COPG2: variants seen among roughly 807,000 people sequenced by gnomAD.
COPG2 encodes coat protein complex I subunit gamma 2, also known as coatomer subunit gamma-2.
In COPG2, 37 loss-of-function variants were observed where a neutral mutation model predicts 46.3. That is an observed-to-expected ratio of 0.80 (90% CI 0.61 to 1.05). The LOEUF (loss-of-function observed/expected upper bound fraction) is 1.05. Among genes scored for constraint, COPG2 ranks in the 50% least tolerant of loss-of-function variants. The probability of loss-of-function intolerance (pLI) is 0.00; values close to 1 mark genes in which losing one functional copy is unlikely to be tolerated. For synonymous variants in COPG2, 159 were observed against 129.7 expected (o/e 1.23, Z -1.53); for missense variants, 427 against 387.8 (o/e 1.10, Z -0.85).
chr7:130,521,243 T>C (rs1584962201), intron 20 of COPG2, among the ~76,000 whole-genome samples: 1 of 152,118 alleles, frequency 6.6e-6, no homozygotes, highest in Non-Finnish European at 1.5e-5. Flanking sequence ...AAATTGGACA[T>C]AAGAGAGACA....
At chr7:130,552,030 AC>A (rs1793540314) in intron 15 of COPG2, among the ~76,000 whole-genome samples, 3 of 152,156 alleles carry the variant, frequency 2.0e-5, no homozygotes, top group African/African-American at 7.2e-5. Context: ...AGCAAATAAA[AC>A]CCTATGGAGA....
At chr7:130,651,492 GTATTTT>G (rs1463621933) in intron 5 of COPG2, among the ~76,000 whole-genome samples, 374 of 30,658 alleles carry the variant, frequency 0.012, 3 homozygotes, top group African/African-American at 0.035. Context: ...TAATTTTTTT[GTATTTT>G]TTTTTTTTTT....
At chr7:130,646,972 T>C (rs1261275091) in intron 5 of COPG2, among the ~76,000 whole-genome samples, 7 of 27,484 alleles carry the variant, frequency 2.5e-4, no homozygotes, top group Admixed American at 1.5e-3. Flanking sequence ...TATATATGTG[T>C]ATATATATAT....
intron 9 of COPG2, among the ~76,000 whole-genome samples, chr7:130,599,490 T>C (rs1400527787): frequency 1.3e-5 from 2 of 152,170 alleles, no homozygotes; most frequent in Non-Finnish European, 2.9e-5. Flanking sequence ...CTAGAGATTT[T>C]CATAAATATT....
chr7:130,606,244 G>GAA (rs1406032495), intron 9 of COPG2, among the ~76,000 whole-genome samples: 1 of 149,116 alleles, frequency 6.7e-6, no homozygotes, highest in Non-Finnish European at 1.5e-5. Flanking sequence ...AAAAGAAAGA[G>GAA]AGAGAGAGAG....
At chr7:130,641,794 G>A (rs1795494839) in intron 5 of COPG2, among the ~76,000 whole-genome samples, 2 of 152,178 alleles carry the variant, frequency 1.3e-5, no homozygotes, top group African/African-American at 4.8e-5. Flanking sequence ...CTAAGTGGAT[G>A]AACTTAGCAT....
intron 5 of COPG2, among the ~76,000 whole-genome samples, chr7:130,633,048 T>C (rs545145155): frequency 6.6e-6 from 1 of 152,222 alleles, no homozygotes; most frequent in Non-Finnish European, 1.5e-5. Flanking sequence ...TCCAGCTTTA[T>C]CCATGTCCCT....
chr7:130,521,188 GTTC>G (rs1799720220), intron 20 of COPG2, among the ~76,000 whole-genome samples: 3 of 152,194 alleles, frequency 2.0e-5, no homozygotes, highest in African/African-American at 7.2e-5. Context: ...TGTGTAGGCA[GTTC>G]TTCAAGGGAG....
At chr7:130,567,265 G>T (rs1324063464) in intron 9 of COPG2, among the ~76,000 whole-genome samples, 2 of 152,144 alleles carry the variant, frequency 1.3e-5, no homozygotes, top group Non-Finnish European at 2.9e-5. Flanking sequence ...GGGAGAGGAT[G>T]AGGATAAAAA....
At chr7:130,656,090 T>G (rs1450422586) in intron 4 of COPG2, among the ~76,000 whole-genome samples, 9 of 152,284 alleles carry the variant, frequency 5.9e-5, no homozygotes, top group East Asian at 1.9e-4. Flanking sequence ...ACATTTAATG[T>G]GGATAATGAT....
chr7:130,632,524 T>A (rs1417699829), intron 5 of COPG2, among the ~76,000 whole-genome samples: 1 of 151,640 alleles, frequency 6.6e-6, no homozygotes, highest in South Asian at 2.1e-4. Context: ...TTTTCTCAAA[T>A]TTTTTTTTCG....
intron 5 of COPG2, among the ~76,000 whole-genome samples, chr7:130,635,262 T>A (rs1160572159): frequency 2.0e-5 from 3 of 152,056 alleles, no homozygotes; most frequent in Non-Finnish European, 4.4e-5. Flanking sequence ...TTTCTATTGT[T>A]TGGAGCAGTT....
intron 12 of COPG2, among the ~76,000 whole-genome samples, chr7:130,559,231 A>G (rs950492999): frequency 2.0e-5 from 3 of 152,198 alleles, no homozygotes; most frequent in African/African-American, 7.2e-5. Context: ...AAAATGCGGA[A>G]AATGCAGCCT....
intron 7 of COPG2, among the ~76,000 whole-genome samples, chr7:130,612,721 A>G (rs1294802460): frequency 6.6e-6 from 1 of 152,200 alleles, no homozygotes; most frequent in Admixed American, 6.5e-5. Flanking sequence ...TAATGTATAA[A>G]TTGTGTTCTG....
chr7:130,615,036 T>C (rs118024956), intron 6 of COPG2, among the ~76,000 whole-genome samples: 1,848 of 152,286 alleles, frequency 0.012, 14 homozygotes, highest in Non-Finnish European at 0.021. Flanking sequence ...GGAAGACTTG[T>C]TGTTCTTGGA....
At chr7:130,611,689 C>G (rs1227213847) in intron 8 of COPG2, among the ~76,000 whole-genome samples, 4 of 152,142 alleles carry the variant, frequency 2.6e-5, no homozygotes, top group African/African-American at 9.7e-5. Flanking sequence ...ACTTTACACA[C>G]AATTTCCAGT....
At chr7:130,661,155 C>A (rs782288565) in intron 4 of COPG2, among the ~76,000 whole-genome samples, 1 of 152,210 alleles carries the variant, frequency 6.6e-6, no homozygotes, top group Non-Finnish European at 1.5e-5. Context: ...TTTCCCTAAT[C>A]CATTTCCTAG....
intron 20 of COPG2, among the ~76,000 whole-genome samples, chr7:130,530,685 G>T (rs1369033523): frequency 1.3e-5 from 2 of 152,068 alleles, no homozygotes; most frequent in Non-Finnish European, 2.9e-5. Flanking sequence ...AAGAAATGTG[G>T]ACGCAAGGGG....
At chr7:130,542,257 G>A (rs1249594097) in intron 20 of COPG2, among the ~76,000 whole-genome samples, 4 of 149,992 alleles carry the variant, frequency 2.7e-5, no homozygotes, top group African/African-American at 5.0e-5. Context: ...GGTAAGACAC[G>A]GAAGGAATGA....
Sources: allele counts gnomAD v4.1 joint callset (sites outside exome capture counted in the v4.1 genomes callset), GRCh38; gene constraint gnomAD v4.1.1; transcripts MANE v1.5; gene names NCBI Gene and HGNC (gene_info 2026-07-23, HGNC 2026-07-21).